The following GALNT18 variants were observed in gnomAD, a reference collection of about 807,000 sequenced individuals.
The protein encoded by GALNT18 is polypeptide N-acetylgalactosaminyltransferase 18, also known as GalNAc-transferase 18.
Under a neutral mutation model 69.5 loss-of-function variants are expected in GALNT18, and 44 were observed. The ratio of observed to expected loss-of-function variants is 0.63; its 90% confidence interval spans 0.50 to 0.81. The LOEUF (loss-of-function observed/expected upper bound fraction) is 0.81. GALNT18 is among the 40% of genes least tolerant of loss of function. GALNT18 has a pLI of 0.00. For missense variants in GALNT18, 715 were observed against 810.0 expected, an observed-to-expected ratio of 0.88 and a Z score of 1.42; for synonymous variants, 364 against 318.2, an observed-to-expected ratio of 1.14 and a Z score of -1.53.
chr11:11,280,732 C>T (rs1364123771), intron 10 of GALNT18, among the ~76,000 whole-genome samples: 2 of 152,170 alleles, frequency 1.3e-5, no homozygotes, highest in Non-Finnish European at 2.9e-5. Flanking sequence ...GGGTCACTGC[C>T]TCACTTATAC....
chr11:11,551,343 G>A (rs1269562048), intron 1 of GALNT18, among the ~76,000 whole-genome samples: 1 of 151,952 alleles, frequency 6.6e-6, no homozygotes, highest in Non-Finnish European at 1.5e-5. Flanking sequence ...GAAGGAAAAC[G>A]GACAAGTTGG....
At chr11:11,457,346 C>T (rs1023758425) in intron 1 of GALNT18, among the ~76,000 whole-genome samples, 31 of 152,354 alleles carry the variant, frequency 2.0e-4, no homozygotes, top group African/African-American at 7.2e-4. Flanking sequence ...AGTCATTTTG[C>T]CAGCTCTTGC....
At chr11:11,427,680 G>T (rs769599223) in intron 3 of GALNT18, among the ~76,000 whole-genome samples, 2 of 152,170 alleles carry the variant, frequency 1.3e-5, no homozygotes, top group Non-Finnish European at 2.9e-5. Context: ...GAATGGAAAA[G>T]CTGGCCGAAT....
intron 10 of GALNT18, among the ~76,000 whole-genome samples, chr11:11,284,393 G>C (rs1358735250): frequency 6.6e-6 from 1 of 152,120 alleles, no homozygotes; most frequent in Admixed American, 6.6e-5. Flanking sequence ...TCTGAGATAA[G>C]GCCTGAAAAT....
At position 11,593,569 on chromosome 11, in the gene GALNT18, C is replaced by T. The variant is rs376993006; in HGVS notation, c.235+27790G>A. Among the ~76,000 whole-genome samples the T allele has an allele frequency of 2.4e-4, 36 of 152,290 alleles. No individual in the cohort carries two copies. The South Asian group carries it at 7.3e-3, about 31-fold the overall frequency. On this transcript the variant is annotated intron_variant, in intron 1 of 10. Transcript: ENST00000227756. Reference sequence around the variant, plus strand: ...GTTAGCAAGATGCTTTATAGCCAGACCACATCTAATTTTTTTTTCTACCAT... The same window carrying T: ...GTTAGCAAGATGCTTTATAGCCAGATCACATCTAATTTTTTTTTCTACCAT...
At position 11,332,955 on chromosome 11, in the gene GALNT18, G is replaced by T. The variant is rs372495778; in HGVS notation, c.1279-124C>A. On this transcript the variant is annotated intron_variant, in intron 7 of 10. Transcript: ENST00000227756. This position sits in a 1 kb window ranked among gnomAD's most constrained non-coding sequence, Gnocchi z 4.3. ...TAGAGACTGGGGAAGGGACCATGTG[G>T]CACGTTAACTCTTGCATTTTCCCAC... The T allele has an allele frequency of 9.8e-5, 100 of 1,024,346 alleles. No individual in the cohort carries two copies. The African/African-American group carries it at 1.4e-3, about 15-fold the overall frequency. 63.5% of individuals were successfully genotyped at this position (1,024,346 alleles called of 1,614,324 possible).
At chr11:11,451,697 G>A (rs1481854094) in intron 1 of GALNT18, among the ~76,000 whole-genome samples, 1 of 152,228 alleles carries the variant, frequency 6.6e-6, no homozygotes, top group Non-Finnish European at 1.5e-5. Flanking sequence ...CTGCTGGACT[G>A]CCAGCTCCTA....
At chr11:11,428,990 G>A (rs1024145872) in intron 3 of GALNT18, among the ~76,000 whole-genome samples, 2 of 152,078 alleles carry the variant, frequency 1.3e-5, no homozygotes, top group African/African-American at 4.8e-5. Context: ...GGAAAACATT[G>A]CTCCAGTTCC....
intron 10 of GALNT18, among the ~76,000 whole-genome samples, chr11:11,277,840 A>G (rs917741388): frequency 3.3e-5 from 5 of 152,108 alleles, no homozygotes; most frequent in Non-Finnish European, 5.9e-5. Flanking sequence ...CTGAGTTCTA[A>G]TTTGATTGCA....
intron 1 of GALNT18, among the ~76,000 whole-genome samples, chr11:11,533,622 T>G (rs1857704982): frequency 6.6e-6 from 1 of 152,160 alleles, no homozygotes; most frequent in Non-Finnish European, 1.5e-5. Context: ...CTACTTTACC[T>G]CCTCTCCACA....
Position 11,271,107 on chromosome 11 carries a change from CAGT to C in GALNT18, c.*34_*36del. ...AGGCAACGTTGCAGCAGGTGCTACA[CAGT>C]AGCAAAGAGGCAGCCGGAAGTGGCC... On this transcript the variant is annotated 3_prime_UTR_variant, in exon 11 of 11. Transcript: ENST00000227756. 5 of 1,594,220 alleles carry C rather than the reference CAGT, an allele frequency of 3.1e-6. No individual in the cohort carries two copies. The highest frequency in any genetic ancestry group is 4.3e-6 in the Non-Finnish European group (5 of 1,165,334).
intron 3 of GALNT18, among the ~76,000 whole-genome samples, chr11:11,388,610 T>C (rs531890327): frequency 6.2e-4 from 94 of 152,152 alleles, no homozygotes; most frequent in Non-Finnish European, 1.1e-3. Context: ...GAGTCTGAGT[T>C]GGGAAGAGAT....
At chr11:11,530,164 A>C (rs1590075879) in intron 1 of GALNT18, among the ~76,000 whole-genome samples, 1 of 152,184 alleles carries the variant, frequency 6.6e-6, no homozygotes, top group Middle Eastern at 3.4e-3. Flanking sequence ...CCAGCCAGAG[A>C]GGAGGGAAGG....
intron 3 of GALNT18, among the ~76,000 whole-genome samples, chr11:11,385,441 G>A (rs1359509177): frequency 5.3e-5 from 8 of 151,906 alleles, no homozygotes; most frequent in South Asian, 2.1e-4. Context: ...GACTACAGGC[G>A]CTCGCCACCA....
At chr11:11,408,012 T>C (rs543377049) in intron 3 of GALNT18, among the ~76,000 whole-genome samples, 1 of 152,180 alleles carries the variant, frequency 6.6e-6, no homozygotes, top group African/African-American at 2.4e-5. Context: ...GAGTTTACAA[T>C]AGAGCTGCCC....
intron 10 of GALNT18, among the ~76,000 whole-genome samples, chr11:11,289,380 T>A (rs992992073): frequency 6.6e-6 from 1 of 152,218 alleles, no homozygotes; most frequent in Non-Finnish European, 1.5e-5. Flanking sequence ...GAGTTTTAAG[T>A]AGACATATGC....
intron 3 of GALNT18, among the ~76,000 whole-genome samples, chr11:11,418,746 T>C (rs1854923495): frequency 6.6e-6 from 1 of 152,310 alleles, no homozygotes; most frequent in East Asian, 1.9e-4. Context: ...ATGCACTCTG[T>C]GAATGTCTGT....
intron 1 of GALNT18, among the ~76,000 whole-genome samples, chr11:11,504,573 A>G (rs1223197460): frequency 6.6e-6 from 1 of 152,128 alleles, no homozygotes; most frequent in East Asian, 1.9e-4. Flanking sequence ...CCAGGGCAAC[A>G]TGGCAAAACC....
chr11:11,277,217 A>T (rs12787806), intron 10 of GALNT18, among the ~76,000 whole-genome samples: 2 of 151,940 alleles, frequency 1.3e-5, no homozygotes, highest in African/African-American at 4.8e-5. Flanking sequence ...CAGAGATTCA[A>T]CTTCTTCCTG....
Sources: allele counts gnomAD v4.1 joint callset (sites outside exome capture counted in the v4.1 genomes callset), GRCh38; gene constraint gnomAD v4.1.1; non-coding constraint Gnocchi (gnomAD v3.1); transcripts MANE v1.5; gene names NCBI Gene and HGNC (gene_info 2026-07-23, HGNC 2026-07-21).